The following RBFOX3 variants were observed in gnomAD, a reference collection of about 807,000 sequenced individuals.
RBFOX3 encodes the protein RNA binding fox-1 homolog 3.
Under a neutral mutation model 48.7 loss-of-function variants are expected in RBFOX3, and 17 were observed. That is an observed-to-expected ratio of 0.35 (90% CI 0.24 to 0.52). RBFOX3 has a LOEUF of 0.52. Ranked by LOEUF, RBFOX3 falls within the 20% of genes least tolerant of loss-of-function variation. RBFOX3 has a pLI of 0.94. For synonymous variants in RBFOX3, 212 were observed against 209.5 expected (o/e 1.01, Z -0.10); for missense variants, 382 against 497.5 (o/e 0.77, Z 2.21).
intron 3 of RBFOX3, among the ~76,000 whole-genome samples, chr17:79,291,781 G>A (rs771377784): frequency 1.5e-4 from 23 of 152,168 alleles, no homozygotes; most frequent in Non-Finnish European, 2.5e-4. Context: ...GCAACTCTTG[G>A]AGCCTTTCTA....
chr17:79,422,201 G>A (rs1275562848), intron 2 of RBFOX3, among the ~76,000 whole-genome samples: 2 of 151,984 alleles, frequency 1.3e-5, no homozygotes, highest in African/African-American at 2.4e-5. Context: ...GAAACAGGGG[G>A]AGCCATGTGC....
the RBFOX3 span, among the ~76,000 whole-genome samples, chr17:79,633,479 G>A: frequency 6.6e-6 from 1 of 152,322 alleles, no homozygotes; most frequent in South Asian, 2.1e-4. Context: ...AGCCCTGCAG[G>A]GCCCTGGTCT....
chr17:79,124,716 C>G (rs563487480), intron 4 of RBFOX3, among the ~76,000 whole-genome samples: 1 of 152,206 alleles, frequency 6.6e-6, no homozygotes, highest in Non-Finnish European at 1.5e-5. Context: ...GAGTGGCTGG[C>G]CTGCCAGGCC....
intron 1 of RBFOX3, among the ~76,000 whole-genome samples, chr17:79,514,755 C>G (rs1307749151): frequency 6.6e-6 from 1 of 152,218 alleles, no homozygotes; most frequent in Non-Finnish European, 1.5e-5. Context: ...TCCACTGGAC[C>G]CTGGAGCATT....
At chr17:79,611,467 C>T (rs2093969742), upstream of RBFOX3, among the ~76,000 whole-genome samples, 2 of 152,098 alleles carry the variant, frequency 1.3e-5, no homozygotes, top group Middle Eastern at 3.4e-3. Context: ...CGGAAGATCC[C>T]AGAACCCAGT....
At chr17:79,233,016 C>T (rs1251729212) in intron 4 of RBFOX3, among the ~76,000 whole-genome samples, 1 of 152,206 alleles carries the variant, frequency 6.6e-6, no homozygotes, top group Non-Finnish European at 1.5e-5. Context: ...CAAGAGAAAA[C>T]AAAGAATATG....
At chr17:79,648,911 C>T in the RBFOX3 span, among the ~76,000 whole-genome samples, 377 of 152,090 alleles carry the variant, frequency 2.5e-3, 1 homozygote, top group African/African-American at 8.7e-3. Context: ...TGTGGTGTTA[C>T]ATTCCAGATG....
intron 4 of RBFOX3, among the ~76,000 whole-genome samples, chr17:79,230,473 C>A (rs78381513): frequency 0.25 from 37,540 of 150,594 alleles, 5,175 homozygotes; most frequent in Middle Eastern, 0.34. Context: ...GTTGGCCAGG[C>A]TGGTCTCGAT....
intron 1 of RBFOX3, among the ~76,000 whole-genome samples, chr17:79,534,010 T>G (rs1435232774): frequency 6.6e-6 from 1 of 152,186 alleles, no homozygotes; most frequent in African/African-American, 2.4e-5. Context: ...TCATACCAAA[T>G]CATTAACTAT....
chr17:79,380,554 G>A (rs2059779274), intron 2 of RBFOX3, among the ~76,000 whole-genome samples: 1 of 152,342 alleles, frequency 6.6e-6, no homozygotes, highest in East Asian at 1.9e-4. Flanking sequence ...CCTAGATGCT[G>A]AGCCAGAGAG....
rs1667911361 is a variant in RBFOX3, at chr17:79,214,712, C to A, written c.-34+21054G>T. ...CATCTGGGAAGCCCAGGAGGGGAGG[C>A]TGGAGGCCCAGGGGCCCCCAGCTAC... On this transcript the variant is annotated intron_variant, in intron 4 of 14. Coordinates refer to ENST00000693108, the MANE Select transcript of RBFOX3 (RefSeq NM_001350451.2). The surrounding 1 kb of genome is among the most constrained non-coding windows in gnomAD (Gnocchi z 4.7). 6.6e-6 allele frequency among the ~76,000 whole-genome samples: 1 copy of A among 151,972 alleles called. No individual in the cohort carries two copies. Among genetic ancestry groups the A allele is most frequent in the Admixed American group, 6.6e-5 (1 of 15,266 alleles).
chr17:79,382,561 G>A (rs982024683), intron 2 of RBFOX3, among the ~76,000 whole-genome samples: 23 of 152,254 alleles, frequency 1.5e-4, no homozygotes, highest in African/African-American at 5.1e-4. Flanking sequence ...CTGTGAACTG[G>A]TTCCACATGT....
At position 79,169,911 on chromosome 17, in the gene RBFOX3, T is replaced by C. The variant is rs149221975; in HGVS notation, c.-33-54163A>G. 5.6e-3 allele frequency among the ~76,000 whole-genome samples: 731 copies of C among 131,692 alleles called. 4 individuals carry two copies. Among genetic ancestry groups the C allele is most frequent in the African/African-American group, 0.017 (575 of 34,662 alleles). 86.4% of individuals were successfully genotyped at this position (131,692 alleles called of 152,430 possible). A position where few individuals can be genotyped will look rare whatever the true frequency, so the allele number is the denominator to read the frequency against. ...TACAAATCATTAAAAGGAAAGGAAA[T>C]GAAGAGAGGAAAGAAGGAAGAAGAG... On this transcript the variant is annotated intron_variant, in intron 4 of 14. Transcript: ENST00000693108.
intron 1 of RBFOX3, among the ~76,000 whole-genome samples, chr17:79,556,115 G>A (rs2091736372): frequency 6.6e-6 from 1 of 152,104 alleles, no homozygotes; most frequent in Non-Finnish European, 1.5e-5. Flanking sequence ...TTACAGACGG[G>A]GAAGCAAAGA....
intron 2 of RBFOX3, among the ~76,000 whole-genome samples, chr17:79,385,985 C>T (rs887839719): frequency 6.7e-6 from 1 of 148,608 alleles, no homozygotes; most frequent in Non-Finnish European, 1.5e-5. Flanking sequence ...GGCTCCATCA[C>T]TCTCCATTAC....
intron 4 of RBFOX3, among the ~76,000 whole-genome samples, chr17:79,202,261 G>T (rs550530458): frequency 6.6e-6 from 1 of 152,090 alleles, no homozygotes; most frequent in East Asian, 1.9e-4. Flanking sequence ...ACAGCAAAAC[G>T]GGAGGAGCCT....
intron 1 of RBFOX3, among the ~76,000 whole-genome samples, chr17:79,507,785 C>T (rs1555779342): frequency 6.6e-6 from 1 of 152,166 alleles, no homozygotes; most frequent in Non-Finnish European, 1.5e-5. Flanking sequence ...TCTCCTCTCT[C>T]CTTTACAGGT....
chr17:79,306,339 G>A (rs889532408), intron 3 of RBFOX3, among the ~76,000 whole-genome samples: 1 of 152,252 alleles, frequency 6.6e-6, no homozygotes, highest in South Asian at 2.1e-4. Context: ...AGGCCAGGGC[G>A]GCTCACACGT....
intron 3 of RBFOX3, among the ~76,000 whole-genome samples, chr17:79,275,754 G>A (rs1356224393): frequency 3.9e-5 from 6 of 152,164 alleles, no homozygotes; most frequent in Non-Finnish European, 8.8e-5. Flanking sequence ...GGCACATGGT[G>A]GGCTATGGAT....
Sources: allele counts gnomAD v4.1 joint callset (sites outside exome capture counted in the v4.1 genomes callset), GRCh38; gene constraint gnomAD v4.1.1; non-coding constraint Gnocchi (gnomAD v3.1); transcripts MANE v1.5; gene names NCBI Gene and HGNC (gene_info 2026-07-23, HGNC 2026-07-21).